SYT1: variants seen among roughly 807,000 people sequenced by gnomAD.
SYT1 encodes the protein synaptotagmin-1.
A neutral mutation model predicts 44.8 loss-of-function variants in SYT1; 8 were observed. The observed-to-expected ratio is 0.18, with a 90% CI of 0.10 to 0.32. The LOEUF (loss-of-function observed/expected upper bound fraction) is 0.32, where lower values mean the gene tolerates loss of function less well. SYT1 is among the 10% of genes least tolerant of loss of function. The pLI is 1.00. For synonymous variants in SYT1, 154 were observed against 188.8 expected (o/e 0.82, Z 1.51); for missense variants, 286 against 509.3 (o/e 0.56, Z 4.22).
intron 1 of SYT1, among the ~76,000 whole-genome samples, chr12:78,943,837 C>T (rs1440235417): frequency 2.0e-5 from 3 of 152,182 alleles, no homozygotes; most frequent in Admixed American, 2.0e-4. Context: ...ACAATATTTC[C>T]CTGATAAAAT....
chr12:79,230,974 G>A (rs913970848), intron 4 of SYT1, among the ~76,000 whole-genome samples: 2 of 152,022 alleles, frequency 1.3e-5, no homozygotes, highest in Non-Finnish European at 2.9e-5. Context: ...TTTTTACCAC[G>A]TAGCAAACCA....
chr12:79,019,359 T>A (rs956481171), intron 2 of SYT1, among the ~76,000 whole-genome samples: 1 of 152,020 alleles, frequency 6.6e-6, no homozygotes, highest in African/African-American at 2.4e-5. Flanking sequence ...AAGTTACTCA[T>A]GAGATAACTA....
At chr12:79,230,115 A>G (rs891733293) in intron 4 of SYT1, among the ~76,000 whole-genome samples, 1 of 152,190 alleles carries the variant, frequency 6.6e-6, no homozygotes, top group Non-Finnish European at 1.5e-5. Context: ...ATACATGTAG[A>G]TGGAAACCCT....
At chr12:79,299,090 T>G (rs1364742932) in intron 7 of SYT1, among the ~76,000 whole-genome samples, 1 of 152,126 alleles carries the variant, frequency 6.6e-6, no homozygotes, top group South Asian at 2.1e-4. Context: ...GTTTATTGTT[T>G]TATTAATCTT....
At chr12:79,256,274 G>T (rs1192777687) in intron 4 of SYT1, among the ~76,000 whole-genome samples, 1 of 152,212 alleles carries the variant, frequency 6.6e-6, no homozygotes, top group African/African-American at 2.4e-5. Context: ...ATTTTCAACA[G>T]CACAGGTGTA....
At chr12:79,234,688 T>TTTTCTTTC (rs201888619) in intron 4 of SYT1, among the ~76,000 whole-genome samples, 1 of 121,336 alleles carries the variant, frequency 8.2e-6, no homozygotes, top group African/African-American at 3.1e-5. Flanking sequence ...GTTTGGGGCT[T>TTTTCTTTC]TTTCTTTCTT....
chr12:78,918,370 T>A (rs550597808), intron 1 of SYT1, among the ~76,000 whole-genome samples: 1 of 152,154 alleles, frequency 6.6e-6, no homozygotes, highest in Non-Finnish European at 1.5e-5. Flanking sequence ...ACTGCCAGCA[T>A]CAGTTCATGC....
intron 2 of SYT1, among the ~76,000 whole-genome samples, chr12:78,985,265 C>G (rs1277360327): frequency 6.6e-6 from 1 of 151,736 alleles, no homozygotes; most frequent in East Asian, 1.9e-4. Context: ...AGTATTAAAA[C>G]TATACGTAGT....
At chr12:79,282,157 C>T (rs1337162734) in intron 4 of SYT1, among the ~76,000 whole-genome samples, 1 of 152,144 alleles carries the variant, frequency 6.6e-6, no homozygotes, top group East Asian at 1.9e-4. Flanking sequence ...ATAATTTCCC[C>T]ATCTCAAGAT....
intron 1 of SYT1, among the ~76,000 whole-genome samples, chr12:78,905,561 G>T (rs1321354692): frequency 6.6e-6 from 1 of 152,042 alleles, no homozygotes; most frequent in Non-Finnish European, 1.5e-5. Flanking sequence ...CCTTAAGCAG[G>T]AATGGTTGGG....
At chr12:79,058,909 T>A (rs1458909490) in intron 3 of SYT1, among the ~76,000 whole-genome samples, 3 of 151,994 alleles carry the variant, frequency 2.0e-5, no homozygotes, top group Non-Finnish European at 4.4e-5. Context: ...TCCCAGTGGG[T>A]CTTGCAAAGC....
At chr12:79,238,284 G>T (rs1009993929) in intron 4 of SYT1, among the ~76,000 whole-genome samples, 1 of 152,144 alleles carries the variant, frequency 6.6e-6, no homozygotes, top group African/African-American at 2.4e-5. Context: ...GGGCTTTAAG[G>T]AACAAAGTAT....
At chr12:79,305,705 C>G (rs1428063272) in intron 8 of SYT1, among the ~76,000 whole-genome samples, 1 of 152,068 alleles carries the variant, frequency 6.6e-6, no homozygotes, top group African/African-American at 2.4e-5. Flanking sequence ...CCTACACTTG[C>G]CATTTTTTGA....
At chr12:78,975,259 A>T (rs1436701038) in intron 1 of SYT1, among the ~76,000 whole-genome samples, 1 of 152,064 alleles carries the variant, frequency 6.6e-6, no homozygotes. Context: ...TATTTAAATT[A>T]TGTAAACACT....
At chr12:79,026,667 T>TTTATATATATATATATATATATA (rs1298013189) in intron 2 of SYT1, among the ~76,000 whole-genome samples, 1 of 102,280 alleles carries the variant, frequency 9.8e-6, no homozygotes, top group Non-Finnish European at 2.0e-5. Context: ...CATATATATT[T>TTTATATATATATATATATATATA]TATATATATA....
intron 1 of SYT1, among the ~76,000 whole-genome samples, chr12:78,907,691 C>G (rs957333316): frequency 6.6e-6 from 1 of 151,904 alleles, no homozygotes; most frequent in Non-Finnish European, 1.5e-5. Flanking sequence ...TGCCAAGTGC[C>G]GTTAGGTCAA....
At chr12:79,138,604 C>T (rs1418898659) in intron 3 of SYT1, among the ~76,000 whole-genome samples, 1 of 152,202 alleles carries the variant, frequency 6.6e-6, no homozygotes, top group Non-Finnish European at 1.5e-5. Context: ...AAATGTAATG[C>T]AATTCACAGG....
At chr12:79,075,061 A>G (rs1205324580) in intron 3 of SYT1, among the ~76,000 whole-genome samples, 1 of 152,186 alleles carries the variant, frequency 6.6e-6, no homozygotes, top group African/African-American at 2.4e-5. Context: ...ATTGTATAAC[A>G]CTTCCAGAAC....
intron 9 of SYT1, among the ~76,000 whole-genome samples, chr12:79,366,894 C>CTGTGTGTGTGTGTGTG (rs3995413): frequency 1.3e-4 from 15 of 117,424 alleles, no homozygotes; most frequent in Non-Finnish European, 1.9e-4. Context: ...ATAAATAATA[C>CTGTGTGTGTGTGTGTG]TGTGTGTGTG....
Sources: gnomAD v4.1 joint callset for allele counts (sites outside exome capture counted in the v4.1 genomes callset) on GRCh38, gnomAD v4.1.1 for gene constraint, MANE v1.5 for transcripts, NCBI Gene and HGNC (gene_info 2026-07-23, HGNC 2026-07-21) for gene names.